The following PPIE variants were observed in gnomAD, a reference collection of about 807,000 sequenced individuals.
PPIE encodes peptidyl-prolyl cis-trans isomerase E.
In PPIE, 20 loss-of-function variants were observed where a neutral mutation model predicts 38.4. That is an observed-to-expected ratio of 0.52 (90% CI 0.37 to 0.76). The LOEUF (loss-of-function observed/expected upper bound fraction) is 0.76, where lower values mean the gene tolerates loss of function less well. PPIE is among the 30% of genes least tolerant of loss of function. The pLI is 0.00. For synonymous variants in PPIE, 142 were observed against 135.7 expected, an observed-to-expected ratio of 1.05 and a Z score of -0.32; for missense variants, 322 against 385.8, an observed-to-expected ratio of 0.83 and a Z score of 1.39.
At chr1:39,763,734 C>G in exon 10 of PPIE, 1 of 1,603,012 alleles carries the variant, frequency 6.2e-7, no homozygotes, top group South Asian at 1.1e-5. Context: ...GTCCTGGAAG[C>G]TGACGTAGAG....
At position 39,752,952 on chromosome 1, in the gene PPIE, C is replaced by G; in HGVS notation, c.737C>G (p.Ser246Cys). The G allele has an allele frequency of 6.2e-7, 1 of 1,614,210 alleles. No individual in the cohort carries two copies. Among genetic ancestry groups the G allele is most frequent in the Non-Finnish European group, 8.5e-7 (1 of 1,180,022 alleles). Residue 246 changes from serine (S) to cysteine (C), a missense_variant, in exon 9 of 10, where the codon TCT (serine) becomes TGT (cysteine). Ser to Cys is a moderately radical substitution (Grantham distance 112). Coordinates refer to ENST00000324379, the MANE Select transcript of PPIE (RefSeq NM_006112.4). The part of the protein sequence containing the change: ...MANSGPNTNG[S>C]QFFLTCDKTD... ...AACTCTGGCCCAAACACCAATGGCT[C>G]TCAGTTCTTCCTGACATGTGACAAG...
chr1:39,763,720 C>T lies in PPIE; in HGVS notation c.869C>T (p.Pro290Leu), dbSNP rs758742247. 25 of 1,600,264 alleles carry T rather than the reference C, an allele frequency of 1.6e-5. 1 individual carries two copies. Among genetic ancestry groups the T allele is most frequent in the Middle Eastern group, 1.8e-4 (1 of 5,596 alleles). ...GAAGAGTCAGCAATTACCAGCCAGC[C>T]GAGGTCCTGGAAGCTGACGTAGAGC... The change falls in exon 10 of 10, where the codon CCG becomes CTG. Residue 290 changes from proline (P) to leucine (L), a missense_variant. Pro to Leu is a moderately conservative substitution (Grantham distance 98, BLOSUM62 -3). Coordinates refer to the PPIE transcript ENST00000356511.
downstream of PPIE, among the ~76,000 whole-genome samples, chr1:39,756,814 A>G (rs538115975): frequency 2.0e-5 from 3 of 152,284 alleles, no homozygotes; most frequent in African/African-American, 4.8e-5. Context: ...TTTGAATTGT[A>G]TTTTATTTTT....
rs983816215 is a variant in PPIE at position 39,756,420 on chromosome 1, G to A, written c.*3065G>A. 1.2e-5 allele frequency: 12 copies of A among 985,292 alleles called. No homozygotes were observed. The highest frequency in any genetic ancestry group is 9.4e-5 in the South Asian group (2 of 21,284). The allele number at this position is 985,292 out of a possible 1,614,324, so 61.0% of individuals were successfully genotyped here. Reference sequence around the variant, plus strand: ...AGTCCCCACATGCTGGCCCTGAAACGGTTACAAAGGCTGAAACCAGGGATG... The same window carrying A: ...AGTCCCCACATGCTGGCCCTGAAACAGTTACAAAGGCTGAAACCAGGGATG... On this transcript the variant is annotated 3_prime_UTR_variant, in exon 10 of 10. Transcript: ENST00000324379.
At position 39,753,652 on chromosome 1, in the gene PPIE, AGTGTGGCTCTTAC is replaced by A. The variant is rs1380382848; in HGVS notation, c.*302_*314del. 1.6e-6 allele frequency: 2 copies of A among 1,241,682 alleles called. No individual in the cohort carries two copies. The highest frequency in any genetic ancestry group is 7.4e-5 in the East Asian group (2 of 27,078). 76.9% of individuals were successfully genotyped at this position (1,241,682 alleles called of 1,614,324 possible). ...CTGCTGGGCCTCTCCTGGGACTACC[AGTGTGGCTCTTAC>A]GTGTTTTCTTTGCTAAAATAAACCC... On this transcript the variant is annotated 3_prime_UTR_variant, in exon 10 of 10. Coordinates refer to ENST00000324379, the MANE Select transcript of PPIE (RefSeq NM_006112.4).
At chr1:39,739,025 G>T in intron 1 of PPIE, 94 bp downstream of exon 1, 1 of 1,302,570 alleles carries the variant, frequency 7.7e-7, no homozygotes, top group South Asian at 2.2e-5. Flanking sequence ...CAGGAGGACG[G>T]CGAGCTGCTG....
At position 39,755,618 on chromosome 1, in the gene PPIE, T is replaced by A. The variant is rs779536198; in HGVS notation, c.*2263T>A. 3 of 984,216 alleles carry A rather than the reference T, an allele frequency of 3.0e-6. No individual in the cohort carries two copies. Among genetic ancestry groups the A allele is most frequent in the Non-Finnish European group, 3.6e-6 (3 of 829,696 alleles). 61.0% of individuals were successfully genotyped at this position (984,216 alleles called of 1,614,324 possible). A position where few individuals can be genotyped will look rare whatever the true frequency, so the allele number is the denominator to read the frequency against. ...TGCTTGGACGAGAACCAGGAGAGAG[T>A]GTGTAGAAAAAGCACAGCCAGCCTC... is the stretch of plus-strand genomic sequence containing the variant. On this transcript the variant is annotated 3_prime_UTR_variant, in exon 10 of 10. Coordinates refer to ENST00000324379, the MANE Select transcript of PPIE (RefSeq NM_006112.4).
Position 39,753,368 on chromosome 1 carries a change from T to C in PPIE, c.*13T>C. ...GGAGTACGTGTGAGGCGGCACTCTC[T>C]CTGCTTCCCCCTCCGCTCTTGACCC... is the stretch of plus-strand genomic sequence containing the variant. On this transcript the variant is annotated 3_prime_UTR_variant, in exon 10 of 10. Coordinates refer to ENST00000324379, the MANE Select transcript of PPIE (RefSeq NM_006112.4). The C allele has an allele frequency of 6.2e-7, 1 of 1,613,172 alleles. No individual in the cohort carries two copies. The highest frequency in any genetic ancestry group is 8.5e-7 in the Non-Finnish European group (1 of 1,179,408).
chr1:39,753,342 G>T lies in PPIE; in HGVS notation c.893G>T (p.Gly298Val). 1 of 1,614,142 alleles carries T rather than the reference G, an allele frequency of 6.2e-7. No homozygotes were observed. The highest frequency in any genetic ancestry group is 8.5e-7 in the Non-Finnish European group (1 of 1,179,990). ...PKQKVIIADC[G>V]EYV ...CAGAAGGTGATCATCGCCGACTGTGGGGAGTACGTGTGAGGCGGCACTCTC... is the reference window on the plus strand; with the variant it reads ...CAGAAGGTGATCATCGCCGACTGTGTGGAGTACGTGTGAGGCGGCACTCTC... The change falls in exon 10 of 10, where the codon GGG (glycine) becomes GTG (valine). Residue 298 changes from glycine to valine, a missense_variant. By Grantham distance (109) the Gly-to-Val change is moderately radical (BLOSUM62 -3). Transcript: ENST00000324379.
At position 39,745,468 on chromosome 1, in the gene PPIE, C is replaced by G; in HGVS notation, c.478C>G (p.Leu160Val). Residue 160 changes from leucine (L) to valine (V), a missense_variant, in exon 7 of 10, where the codon CTG becomes GTG. Leu to Val is a conservative substitution (Grantham distance 32). Coordinates refer to ENST00000324379, the MANE Select transcript of PPIE (RefSeq NM_006112.4). ...NKPAGRIQML[L>V]RSDVVPMTAE... ...GCCGGCTGGCCGCATCCAGATGCTC[C>G]TGCGTTCTGATGTCGTGCCCATGAC... 2 of 1,614,250 alleles carry G rather than the reference C, an allele frequency of 1.2e-6. No individual in the cohort carries two copies. The highest frequency in any genetic ancestry group is 8.5e-7 in the Non-Finnish European group (1 of 1,180,054).
Position 39,763,152 on chromosome 1 carries a change from C to T in PPIE, c.838-537C>T, listed in dbSNP as rs754662423. ...TGCAGGAGTCCAGTGGGAAGGAGCA[C>T]TCCCCCTCACAGTAATAGGCCGAGT... On this transcript the variant is annotated intron_variant, in intron 9 of 9. Transcript: ENST00000356511. 5.0e-6 allele frequency: 8 copies of T among 1,613,926 alleles called. No individual in the cohort carries two copies. In the East Asian group the frequency reaches 1.1e-4, roughly 22 times the overall value.
At chr1:39,740,750 C>A (rs897524307) in intron 2 of PPIE, among the ~76,000 whole-genome samples, 3 of 152,194 alleles carry the variant, frequency 2.0e-5, no homozygotes, top group Non-Finnish European at 4.4e-5. Flanking sequence ...CCTTTGTTGT[C>A]ATTTTTAAGA....
chr1:39,757,598 TC>T (rs1419590475), downstream of PPIE: 9 of 152,392 alleles, frequency 5.9e-5, no homozygotes, highest in East Asian at 1.7e-3. Context: ...CGTCCTCTCT[TC>T]CTGTCAACTG....
In PPIE at chr1:39,745,362, C is replaced by T; in HGVS notation, c.385-13C>T. 6 of 1,614,058 alleles carry T rather than the reference C, an allele frequency of 3.7e-6. No individual in the cohort carries two copies. The South Asian group carries it at 4.4e-5, about 12-fold the overall frequency. ...GGGAGCTCTCTCTAACTAGCAATTT[C>T]TTCTGCACCTAGGGAGAGCCCATTG... On this transcript the variant is annotated splice_polypyrimidine_tract_variant and intron_variant, in intron 6 of 9. Coordinates refer to ENST00000324379, the MANE Select transcript of PPIE (RefSeq NM_006112.4).
intron 9 of PPIE, chr1:39,762,298 C>T: frequency 2.0e-6 from 1 of 498,462 alleles, no homozygotes; most frequent in East Asian, 3.6e-5. Flanking sequence ...AACTTCTGGG[C>T]TCGTGTGCTG....
rs532019206 is a variant in PPIE at position 39,745,237 on chromosome 1, G to T, written c.385-138G>T. On this transcript the variant is annotated intron_variant, in intron 6 of 9. Coordinates refer to ENST00000324379, the MANE Select transcript of PPIE (RefSeq NM_006112.4). Reference sequence around the variant, plus strand: ...GCTCCTGCCTCCTGCAGCCCTATCAGGGCCCAAGGCCTTCCCCGTCAGCAC... The same window carrying T: ...GCTCCTGCCTCCTGCAGCCCTATCATGGCCCAAGGCCTTCCCCGTCAGCAC... The T allele has an allele frequency of 5.9e-6, 7 of 1,183,836 alleles. No individual in the cohort carries two copies. In the South Asian group the frequency reaches 8.7e-5, roughly 15 times the overall value. The allele number at this position is 1,183,836 out of a possible 1,614,324, so 73.3% of individuals were successfully genotyped here.
intron 8 of PPIE, among the ~76,000 whole-genome samples, chr1:39,750,820 C>T (rs916901735): frequency 2.0e-5 from 3 of 152,170 alleles, no homozygotes; most frequent in Non-Finnish European, 2.9e-5. Flanking sequence ...CCCTGTGCTC[C>T]GTTTTTCTAA....
chr1:39,751,816 G>A (rs1173918200), intron 8 of PPIE, among the ~76,000 whole-genome samples: 4 of 152,138 alleles, frequency 2.6e-5, no homozygotes, highest in African/African-American at 9.7e-5. Flanking sequence ...CAGGCACGGC[G>A]GCTCATGCCT....
intron 6 of PPIE, among the ~76,000 whole-genome samples, chr1:39,744,138 G>A (rs1278217678): frequency 6.6e-6 from 1 of 152,180 alleles, no homozygotes; most frequent in Non-Finnish European, 1.5e-5. Context: ...TGGGTCTCTT[G>A]TCCATGTTGT....
Sources: gnomAD v4.1 joint callset for allele counts (sites outside exome capture counted in the v4.1 genomes callset) on GRCh38, gnomAD v4.1.1 for gene constraint, MANE v1.5 for transcripts, NCBI Gene and HGNC (gene_info 2026-07-23, HGNC 2026-07-21) for gene names.